CHST9: variants seen among roughly 807,000 people sequenced by gnomAD.
CHST9 encodes the protein carbohydrate sulfotransferase 9, also known as GalNAc-4-sulfotransferase 2.
CHST9 carries 41 observed loss-of-function variants against 44.4 expected under a neutral mutation model. The observed-to-expected ratio is 0.92, with a 90% CI of 0.72 to 1.20. The LOEUF (loss-of-function observed/expected upper bound fraction) is 1.20, where lower values mean the gene tolerates loss of function less well. Ranked by LOEUF, CHST9 falls within the 50% of genes most tolerant of loss-of-function variation. CHST9 has a pLI of 0.00. For missense variants in CHST9, 504 were observed against 516.5 expected (o/e 0.98, Z 0.23); for synonymous variants, 171 against 178.4 (o/e 0.96, Z 0.33).
chr18:26,918,418 C>T (rs975218512), intron 5 of CHST9, among the ~76,000 whole-genome samples: 31 of 151,692 alleles, frequency 2.0e-4, no homozygotes, highest in Non-Finnish European at 1.5e-5. Context: ...GTGTCATCAG[C>T]CTAGAGGTGG....
chr18:27,027,544 G>T (rs767171198), intron 3 of CHST9, among the ~76,000 whole-genome samples: 3 of 151,996 alleles, frequency 2.0e-5, no homozygotes, highest in South Asian at 2.1e-4. Flanking sequence ...TTTTAAAATC[G>T]CCTGGATGCG....
intron 2 of CHST9, among the ~76,000 whole-genome samples, chr18:27,072,237 TC>T (rs1332805178): frequency 6.6e-6 from 1 of 152,226 alleles, no homozygotes; most frequent in Admixed American, 6.5e-5. Flanking sequence ...GTCTGCCACT[TC>T]CTTGCAGTCT....
At chr18:27,072,244 A>C (rs949667412) in intron 2 of CHST9, among the ~76,000 whole-genome samples, 2 of 152,226 alleles carry the variant, frequency 1.3e-5, no homozygotes, top group African/African-American at 4.8e-5. Context: ...ACTTCCTTGC[A>C]GTCTGCAATA....
Position 26,975,479 on chromosome 18 carries a change from C to T in CHST9, c.203-31113G>A, listed in dbSNP as rs145090978. Among the ~76,000 whole-genome samples the T allele has an allele frequency of 3.7e-3, 556 of 151,862 alleles. 3 individuals are homozygous for T. The highest frequency in any genetic ancestry group is 0.013 in the African/African-American group (543 of 41,392). ...TTGTCCATCATTACACACTCTAAGTCCATGTGCACACATTATTTAGCTCCC... is the reference window on the plus strand; with the variant it reads ...TTGTCCATCATTACACACTCTAAGTTCATGTGCACACATTATTTAGCTCCC... On this transcript the variant is annotated intron_variant, in intron 4 of 5. Transcript: ENST00000618847.
At chr18:27,019,463 G>A (rs959790123) in intron 4 of CHST9, among the ~76,000 whole-genome samples, 2 of 152,116 alleles carry the variant, frequency 1.3e-5, no homozygotes, top group South Asian at 2.1e-4. Context: ...CCTAAGAAAT[G>A]ATGTTGAATT....
chr18:27,096,597 G>T (rs1341122798), intron 2 of CHST9, among the ~76,000 whole-genome samples: 1 of 151,900 alleles, frequency 6.6e-6, no homozygotes, highest in Non-Finnish European at 1.5e-5. Context: ...TAACAAGGGT[G>T]TCATTACAAC....
At chr18:26,994,975 C>T (rs1448506883) in intron 4 of CHST9, among the ~76,000 whole-genome samples, 1 of 152,098 alleles carries the variant, frequency 6.6e-6, no homozygotes, top group Non-Finnish European at 1.5e-5. Flanking sequence ...AAGACTGTGG[C>T]TTCCATCTTG....
chr18:27,056,541 C>T (rs2057658146), intron 2 of CHST9, among the ~76,000 whole-genome samples: 1 of 152,098 alleles, frequency 6.6e-6, no homozygotes, highest in Non-Finnish European at 1.5e-5. Context: ...ATACAAGTAC[C>T]TACTTCACAG....
chr18:26,950,856 CA>C (rs897917141), intron 4 of CHST9, among the ~76,000 whole-genome samples: 8 of 152,134 alleles, frequency 5.3e-5, no homozygotes, highest in African/African-American at 1.9e-4. Flanking sequence ...ACCTGTTCTG[CA>C]AAAATTATTG....
intron 2 of CHST9, among the ~76,000 whole-genome samples, 189 bp downstream of exon 2, chr18:27,142,500 C>T (rs1360065099): frequency 5.3e-5 from 8 of 152,150 alleles, no homozygotes. Context: ...TGTTAAGCCA[C>T]CAAACAAATG....
rs978750711 is a variant in CHST9 at position 26,910,577 on chromosome 18, T to C, written c.*5682A>G. 6.6e-5 allele frequency: 10 copies of C among 152,194 alleles called. No homozygotes were observed. The highest frequency in any genetic ancestry group is 1.3e-4 in the Non-Finnish European group (9 of 68,034). 9.4% of individuals were successfully genotyped at this position (152,194 alleles called of 1,614,324 possible). A position where few individuals can be genotyped will look rare whatever the true frequency, so the allele number is the denominator to read the frequency against. On this transcript the variant is annotated 3_prime_UTR_variant, in exon 6 of 6. Transcript: ENST00000618847. ...TATTTTCAGGTGGGCATATAGAATG[T>C]AGGGTAACAAATCCCCTGTCATTAA... is the stretch of plus-strand genomic sequence containing the variant.
At chr18:26,969,432 GTC>G (rs998104715) in intron 4 of CHST9, among the ~76,000 whole-genome samples, 6 of 151,128 alleles carry the variant, frequency 4.0e-5, no homozygotes, top group African/African-American at 1.5e-4. Context: ...AAGGATAGAA[GTC>G]TCTATACAGG....
chr18:26,933,424 T>G (rs1264185547), intron 5 of CHST9, among the ~76,000 whole-genome samples: 1 of 152,194 alleles, frequency 6.6e-6, no homozygotes, highest in Admixed American at 6.5e-5. Context: ...TGAATGTGGC[T>G]TTTAACCACA....
At chr18:27,137,736 T>C (rs1246619561) in intron 2 of CHST9, among the ~76,000 whole-genome samples, 1 of 152,194 alleles carries the variant, frequency 6.6e-6, no homozygotes, top group Non-Finnish European at 1.5e-5. Context: ...AAAGCTGAGA[T>C]GGTGACTCTG....
chr18:26,978,228 C>T (rs753379056), intron 4 of CHST9, among the ~76,000 whole-genome samples: 1 of 151,436 alleles, frequency 6.6e-6, no homozygotes, highest in Non-Finnish European at 1.5e-5. Flanking sequence ...TCTTTTTACT[C>T]TTCCCAACTA....
chr18:27,163,869 G>A (rs1239366329), intron 1 of CHST9, among the ~76,000 whole-genome samples: 1 of 152,194 alleles, frequency 6.6e-6, no homozygotes, highest in Non-Finnish European at 1.5e-5. Context: ...CTGTACCTCA[G>A]TTGGAAATGC....
chr18:27,147,838 A>G (rs4800792), intron 1 of CHST9: 61,916 of 149,016 alleles, frequency 0.42, 13,150 homozygotes, highest in East Asian at 0.62. Flanking sequence ...ATTCTGTTCT[A>G]TTGATTCAAT....
intron 2 of CHST9, among the ~76,000 whole-genome samples, chr18:27,129,171 AAACTTTTAGCATTCTGTGACTTAGG>A (rs1468463068): frequency 1.9e-3 from 290 of 152,258 alleles, no homozygotes; most frequent in African/African-American, 6.7e-3. Flanking sequence ...AAACACGATA[AAACTTTTAGCATTCTGTGACTTAGG>A]GAAAAATAAC....
intron 4 of CHST9, among the ~76,000 whole-genome samples, chr18:26,984,593 A>G (rs930467990): frequency 1.1e-4 from 17 of 152,218 alleles, no homozygotes; most frequent in Non-Finnish European, 2.1e-4. Context: ...TATCAATAAT[A>G]GGAAGATATT....
Sources: allele counts gnomAD v4.1 joint callset (sites outside exome capture counted in the v4.1 genomes callset), GRCh38; gene constraint gnomAD v4.1.1; transcripts MANE v1.5; gene names NCBI Gene and HGNC (gene_info 2026-07-23, HGNC 2026-07-21).